NADK2: variants seen among roughly 807,000 people sequenced by gnomAD.
The protein encoded by NADK2 is NAD kinase domain-containing protein 1, mitochondrial.
Under a neutral mutation model 62.1 loss-of-function variants are expected in NADK2, and 35 were observed. The ratio of observed to expected loss-of-function variants is 0.56; its 90% CI spans 0.43 to 0.75. The LOEUF is 0.75. Among genes scored for constraint, NADK2 ranks in the 30% least tolerant of loss-of-function variants. The pLI is 0.00. For missense variants in NADK2, 439 were observed against 561.3 expected (o/e 0.78, Z 2.20); for synonymous variants, 205 against 207.9 (o/e 0.99, Z 0.12).
At chr5:36,211,769 T>C in intron 7 of NADK2, 75 bp downstream of exon 7, 2 of 1,229,654 alleles carry the variant, frequency 1.6e-6, no homozygotes, top group South Asian at 1.3e-5. Context: ...CTTAGCCAGG[T>C]TGTAGAAACT....
At position 36,241,870 on chromosome 5, in the gene NADK2, G is replaced by C; in HGVS notation, c.-72C>G. 9.0e-7 allele frequency: 1 copy of C among 1,114,390 alleles called. No individual in the cohort carries two copies. The allele number at this position is 1,114,390 out of a possible 1,614,324, so 69.0% of individuals were successfully genotyped here. A position where few individuals can be genotyped will look rare whatever the true frequency, so the allele number is the denominator to read the frequency against. ...CAGCTCCCTACCGCCGGGAGTGCGCGCCGTCCGCGCCGCCCGGGCCTCTAA... is the reference window on the plus strand; with the variant it reads ...CAGCTCCCTACCGCCGGGAGTGCGCCCCGTCCGCGCCGCCCGGGCCTCTAA... On this transcript the variant is annotated 5_prime_UTR_variant, in exon 1 of 12. Transcript: ENST00000381937. The surrounding 1 kb of genome is among the most constrained non-coding windows in gnomAD (Gnocchi z 4.9).
rs772840407 is a variant in NADK2, at chr5:36,197,556, C to T, written c.1175G>A (p.Arg392His). Residue 392 changes from arginine to histidine, a missense_variant, in exon 11 of 12, where the codon CGT becomes CAT. By Grantham distance (29) the Arg-to-His change is conservative. Coordinates refer to ENST00000381937, the MANE Select transcript of NADK2 (RefSeq NM_001085411.3). Reference sequence around the variant, plus strand: ...GGATGCTTACTTTGAGGAGAAACAACGCTGACGACTGCTTGAGAAAACTCT... The same window carrying T: ...GGATGCTTACTTTGAGGAGAAACAATGCTGACGACTGCTTGAGAAAACTCT... ...ANRVFSSSRQ[R>H]CFSSKVCVRS... 6.8e-6 allele frequency: 11 copies of T among 1,612,122 alleles called. No homozygotes were observed. Among genetic ancestry groups the T allele is most frequent in the Non-Finnish European group, 8.5e-6 (10 of 1,178,828 alleles).
intron 4 of NADK2, among the ~76,000 whole-genome samples, chr5:36,222,972 T>C (rs893645119): frequency 1.3e-5 from 2 of 152,128 alleles, no homozygotes; most frequent in Non-Finnish European, 1.5e-5. Context: ...TAGAGGCCAG[T>C]GTGGCTAGAA....
At position 36,207,183 on chromosome 5, in the gene NADK2, C is replaced by T; in HGVS notation, c.943G>A (p.Gly315Arg). The change falls in exon 8 of 12, where the codon GGA (glycine) becomes AGA (arginine). Residue 315 changes from glycine to arginine, a missense_variant. Coordinates refer to ENST00000381937, the MANE Select transcript of NADK2 (RefSeq NM_001085411.3). ...SSGLNLCTGT[G>R]SKAWSFNINR... ...CAAGTTACTCACCAGGCCTTTGATC[C>T]TGTTCCAGTACACAAATTGAGCCCT... 6.2e-7 allele frequency: 1 copy of T among 1,612,424 alleles called. No homozygotes were observed. The highest frequency in any genetic ancestry group is 8.5e-7 in the Non-Finnish European group (1 of 1,178,934).
rs1373914213 is a variant in NADK2, at chr5:36,200,243, T to G, written c.1050A>C (p.Arg350Ser). 6.3e-7 allele frequency: 1 copy of G among 1,583,406 alleles called. No individual in the cohort carries two copies. Among genetic ancestry groups the G allele is most frequent in the African/African-American group, 1.4e-5 (1 of 73,236 alleles). The change falls in exon 10 of 12, where the codon AGA (arginine) becomes AGC (serine). Residue 350 changes from arginine to serine, a missense_variant. Physicochemically the swap from Arg to Ser is moderately radical, Grantham distance 110 (BLOSUM62 -1). Transcript: ENST00000381937. ...GTCACTGACCTTTCTCTACCAATTC[T>G]CTGTTCAATGGAAGACTCAAATTTC... ...RQGNLSLPLN[R>S]ELVEKVTNEY...
chr5:36,225,688 A>T, intron 3 of NADK2, 65 bp from the exon 4 acceptor site: 1 of 1,491,414 alleles, frequency 6.7e-7, no homozygotes. Context: ...GTTTTTGGCC[A>T]TTTTGAAAAT....
chr5:36,196,888 A>T (rs1449815638), intron 11 of NADK2, among the ~76,000 whole-genome samples: 1 of 152,040 alleles, frequency 6.6e-6, no homozygotes, highest in East Asian at 1.9e-4. Context: ...AATTAATTGT[A>T]TGTCTATAAA....
chr5:36,216,815 T>C (rs189796662), intron 6 of NADK2, among the ~76,000 whole-genome samples: 203 of 152,268 alleles, frequency 1.3e-3, no homozygotes, highest in South Asian at 3.5e-3. Flanking sequence ...CAGTGAGGGA[T>C]TAAAATTTCT....
chr5:36,210,397 C>T (rs879544675), intron 7 of NADK2, among the ~76,000 whole-genome samples: 1 of 152,134 alleles, frequency 6.6e-6, no homozygotes, highest in Non-Finnish European at 1.5e-5. Context: ...TTTTTACACT[C>T]CTAATGAGGA....
intron 1 of NADK2, among the ~76,000 whole-genome samples, chr5:36,237,422 G>C (rs1284392884): frequency 6.6e-6 from 1 of 152,146 alleles, no homozygotes; most frequent in African/African-American, 2.4e-5. Flanking sequence ...ATATTTCACT[G>C]TGCTGATTTG....
Position 36,200,281 on chromosome 5 carries a change from C to A in NADK2, c.1013-1G>T. 6.3e-7 allele frequency: 1 copy of A among 1,576,548 alleles called. No homozygotes were observed. The highest frequency in any genetic ancestry group is 8.6e-7 in the Non-Finnish European group (1 of 1,160,550). On this transcript the variant is annotated splice_acceptor_variant, in intron 9 of 11. Coordinates refer to ENST00000381937, the MANE Select transcript of NADK2 (RefSeq NM_001085411.3). LOFTEE classifies it high-confidence loss of function. The stretch of plus-strand genomic sequence containing the variant: ...AGACTCAAATTTCCTTGTCGTTTTG[C>A]TGTTGAAAAAGGAAAGGGGGAAAAT...
At chr5:36,203,923 C>T (rs974431136) in intron 8 of NADK2, among the ~76,000 whole-genome samples, 1 of 152,082 alleles carries the variant, frequency 6.6e-6, no homozygotes, top group African/African-American at 2.4e-5. Flanking sequence ...ACCCCTCTCC[C>T]TCTCCATTTA....
At chr5:36,211,764 C>T in intron 7 of NADK2, 80 bp downstream of exon 7, 1 of 1,181,708 alleles carries the variant, frequency 8.5e-7, no homozygotes, top group Admixed American at 2.1e-5. Flanking sequence ...CAAATCTTAG[C>T]CAGGTTGTAG....
chr5:36,238,999 C>T (rs1368058397), intron 1 of NADK2, among the ~76,000 whole-genome samples: 2 of 152,144 alleles, frequency 1.3e-5, no homozygotes, highest in Non-Finnish European at 2.9e-5. Flanking sequence ...TATCCTTCAT[C>T]TTCCATTTGC....
At chr5:36,208,637 G>GT in intron 7 of NADK2, 5 of 1,531,988 alleles carry the variant, frequency 3.3e-6, no homozygotes, top group Non-Finnish European at 4.4e-6. Context: ...TCCCTTTAGA[G>GT]TGGGTATACT....
intron 8 of NADK2, among the ~76,000 whole-genome samples, chr5:36,203,130 C>T (rs1302231019): frequency 3.3e-5 from 5 of 152,004 alleles, no homozygotes; most frequent in African/African-American, 9.7e-5. Context: ...ACGACTTCAC[C>T]ATTTATTAGC....
In NADK2 at chr5:36,217,878, C is replaced by A; in HGVS notation, c.651G>T (p.Leu217Phe). The A allele has an allele frequency of 6.2e-7, 1 of 1,612,584 alleles. No individual in the cohort carries two copies. Among genetic ancestry groups the A allele is most frequent in the East Asian group, 2.2e-5 (1 of 44,858 alleles). The change falls in exon 6 of 12, where the codon TTG (leucine) becomes TTT (phenylalanine). Residue 217 changes from leucine to phenylalanine, a missense_variant. Coordinates refer to ENST00000381937, the MANE Select transcript of NADK2 (RefSeq NM_001085411.3). Reference sequence around the variant, plus strand: ...GGTATAACCTGATTCTCTGCCTCCACAACCACCTTAGAAAAATGAAGAAAA... The same window carrying A: ...GGTATAACCTGATTCTCTGCCTCCAAAACCACCTTAGAAAAATGAAGAAAA... ...QKFYRGEFRW[L>F]WRQRIRLYLE...
At position 36,205,448 on chromosome 5, in the gene NADK2, G is replaced by A. The variant is rs905368981; in HGVS notation, c.956+1722C>T. Among the ~76,000 whole-genome samples the A allele has an allele frequency of 6.6e-6, 1 of 152,054 alleles. No homozygotes were observed. The highest frequency in any genetic ancestry group is 1.5e-5 in the Non-Finnish European group (1 of 67,994). ...GAGAACAAAAAGTGTGCTGAGAATT[G>A]CAAGTAGCTGTGCCAATTCTAGTGT... On this transcript the variant is annotated intron_variant, in intron 8 of 11. Coordinates refer to ENST00000381937, the MANE Select transcript of NADK2 (RefSeq NM_001085411.3). The surrounding 1 kb of genome is among the most constrained non-coding windows in gnomAD (Gnocchi z 4.1).
intron 6 of NADK2, among the ~76,000 whole-genome samples, chr5:36,216,058 G>A (rs951307658): frequency 6.6e-6 from 1 of 152,136 alleles, no homozygotes; most frequent in Non-Finnish European, 1.5e-5. Flanking sequence ...ACCACCAACA[G>A]TGTACAAGAG....
Sources: gnomAD v4.1 joint callset for allele counts (sites outside exome capture counted in the v4.1 genomes callset) on GRCh38, gnomAD v4.1.1 for gene constraint, Gnocchi (gnomAD v3.1) non-coding constraint, MANE v1.5 for transcripts, NCBI Gene and HGNC (gene_info 2026-07-23, HGNC 2026-07-21) for gene names.